SHANK2: variants seen among roughly 807,000 people sequenced by gnomAD.
The protein encoded by SHANK2 is SH3 and multiple ankyrin repeat domains protein 2.
A neutral mutation model predicts 133.7 loss-of-function variants in SHANK2; 43 were observed. The ratio of observed to expected loss-of-function variants is 0.32; its 90% CI spans 0.25 to 0.41. The LOEUF (loss-of-function observed/expected upper bound fraction) is 0.41. Ranked by LOEUF, SHANK2 falls within the 10% of genes least tolerant of loss-of-function variation. The pLI is 1.00. For synonymous variants in SHANK2, 1,017 were observed against 952.8 expected (o/e 1.07, Z -1.24); for missense variants, 1,994 against 2,235.8 (o/e 0.89, Z 2.18).
chr11:70,538,953 C>G (rs1037625661), intron 17 of SHANK2, among the ~76,000 whole-genome samples: 1 of 152,252 alleles, frequency 6.6e-6, no homozygotes, highest in African/African-American at 2.4e-5. Context: ...GGCTAGGAAG[C>G]CTCCTGGGTT....
intron 14 of SHANK2, among the ~76,000 whole-genome samples, chr11:70,763,042 C>A (rs1163245329): frequency 3.3e-5 from 5 of 152,198 alleles, no homozygotes; most frequent in Admixed American, 3.3e-4. Context: ...TTCCTAACCA[C>A]CCCCTTTCCC....
At chr11:70,613,358 C>T (rs1202233579) in intron 17 of SHANK2, among the ~76,000 whole-genome samples, 2 of 152,094 alleles carry the variant, frequency 1.3e-5, no homozygotes, top group African/African-American at 2.4e-5. Flanking sequence ...CGCCCGTTGC[C>T]ATGTCCAGCT....
At chr11:70,567,844 C>G (rs1398111071) in intron 17 of SHANK2, among the ~76,000 whole-genome samples, 1 of 152,128 alleles carries the variant, frequency 6.6e-6, no homozygotes, top group African/African-American at 2.4e-5. Context: ...TGGGGCAGCC[C>G]GAACTAAGAC....
chr11:70,670,115 G>A lies in SHANK2; in HGVS notation c.1854-8437C>T, dbSNP rs768167823. Among the ~76,000 whole-genome samples, 29 of 152,296 alleles carry A rather than the reference G, an allele frequency of 1.9e-4. 1 individual carries two copies. The East Asian group carries it at 5.0e-3, about 26-fold the overall frequency. On this transcript the variant is annotated intron_variant, in intron 15 of 25. Transcript: ENST00000601538. ...TCCCCACAGAGAGACTGGGTGGTGC[G>A]TTTATTGCCCCTGAAAGTCCTTCCC...
At chr11:71,239,753 G>T (rs1954865519) in intron 1 of SHANK2, among the ~76,000 whole-genome samples, 1 of 152,182 alleles carries the variant, frequency 6.6e-6, no homozygotes, top group African/African-American at 2.4e-5. Context: ...GGGACTACAG[G>T]CATGAGCCAC....
chr11:70,718,328 T>A (rs1945992867), intron 14 of SHANK2, among the ~76,000 whole-genome samples: 1 of 152,246 alleles, frequency 6.6e-6, no homozygotes, highest in African/African-American at 2.4e-5. Flanking sequence ...AAGCCCGTTT[T>A]GGCTACACAG....
At chr11:70,613,405 G>A (rs545359361) in intron 17 of SHANK2, among the ~76,000 whole-genome samples, 38 of 152,122 alleles carry the variant, frequency 2.5e-4, no homozygotes, top group African/African-American at 8.9e-4. Context: ...GGGTTTCACC[G>A]TGTTAGCTAG....
rs782548627 is a variant in SHANK2 at position 70,485,365 on chromosome 11, CCCGGCTTTG to C, written c.4919_4927del (p.Ala1640_Pro1642del). 2 of 1,613,988 alleles carry C rather than the reference CCCGGCTTTG, an allele frequency of 1.2e-6. No homozygotes were observed. Among genetic ancestry groups the C allele is most frequent in the South Asian group, 2.2e-5 (2 of 91,076 alleles). On this transcript the variant is annotated inframe_deletion, in exon 25 of 26. Transcript: ENST00000601538. The surrounding 1 kb of genome is among the most constrained non-coding windows in gnomAD (Gnocchi z 5.8). ...TCCCATTGGTGAATCCAGTCCTTCCCCCGGCTTTGCCAATTTCTCTCGGTTCATTTGCTG... is the reference window on the plus strand; with the variant it reads ...TCCCATTGGTGAATCCAGTCCTTCCCCCAATTTCTCTCGGTTCATTTGCTG...
rs77276369 is a variant in SHANK2 at position 70,935,214 on chromosome 11, T to A, written c.1108-38647A>T. On this transcript the variant is annotated intron_variant, in intron 10 of 25. Transcript: ENST00000601538. The stretch of plus-strand genomic sequence containing the variant: ...ATGTGAATCATCCCTTTGTCCAGCG[T>A]GTCCGTGCTGTCTAGGCCACCCACC... Among the ~76,000 whole-genome samples, 390 of 152,290 alleles carry A rather than the reference T, an allele frequency of 2.6e-3. 6 individuals carry two copies. The East Asian group carries it at 0.062, about 24-fold the overall frequency.
In SHANK2 at chr11:71,110,726, G is replaced by A. The variant is rs572924096; in HGVS notation, c.484-677C>T. Among the ~76,000 whole-genome samples, 16 of 152,340 alleles carry A rather than the reference G, an allele frequency of 1.1e-4. No individual in the cohort carries two copies. In the East Asian group the frequency reaches 2.3e-3, roughly 22 times the overall value. On this transcript the variant is annotated intron_variant, in intron 5 of 25. Transcript: ENST00000601538. ...GCTGAGGCTTTTGGAACCACAGGGTGAGCACAGTGTCTGGCACGTGACAAG... is the reference window on the plus strand; with the variant it reads ...GCTGAGGCTTTTGGAACCACAGGGTAAGCACAGTGTCTGGCACGTGACAAG...
At chr11:70,810,366 C>G (rs1395974416) in intron 12 of SHANK2, among the ~76,000 whole-genome samples, 1 of 152,224 alleles carries the variant, frequency 6.6e-6, no homozygotes, top group African/African-American at 2.4e-5. Flanking sequence ...GGACCGAGAG[C>G]TGGGAGGGGT....
chr11:70,755,715 C>G (rs1555038712), intron 14 of SHANK2, among the ~76,000 whole-genome samples: 1 of 152,172 alleles, frequency 6.6e-6, no homozygotes, highest in Non-Finnish European at 1.5e-5. Context: ...TGGCCACAAG[C>G]AGGGACGCCA....
chr11:70,551,064 C>T (rs1554977863), intron 17 of SHANK2, among the ~76,000 whole-genome samples: 1 of 152,208 alleles, frequency 6.6e-6, no homozygotes, highest in African/African-American at 2.4e-5. Context: ...AGCGGACCCC[C>T]TCCCACCCCC....
intron 17 of SHANK2, among the ~76,000 whole-genome samples, chr11:70,551,974 G>A (rs1015206291): frequency 1.3e-5 from 2 of 152,230 alleles, no homozygotes; most frequent in African/African-American, 2.4e-5. Context: ...GGGGGAGCCC[G>A]TGGGGGTGTG....
chr11:70,511,499 G>C (rs2059204507), intron 17 of SHANK2, among the ~76,000 whole-genome samples: 1 of 152,070 alleles, frequency 6.6e-6, no homozygotes, highest in Non-Finnish European at 1.5e-5. Flanking sequence ...ATGGGGTTTC[G>C]GTGCCCCTCA....
intron 17 of SHANK2, among the ~76,000 whole-genome samples, chr11:70,539,156 C>G (rs2059581527): frequency 6.6e-6 from 1 of 152,138 alleles, no homozygotes. Flanking sequence ...AGAGGCAGGC[C>G]CATGCACACA....
At chr11:70,639,418 C>G (rs549912510) in intron 17 of SHANK2, among the ~76,000 whole-genome samples, 1 of 152,250 alleles carries the variant, frequency 6.6e-6, no homozygotes, top group African/African-American at 2.4e-5. Context: ...GCAGAAGGGG[C>G]AAAGGGGCTC....
At chr11:70,851,663 T>C (rs1027312517) in intron 11 of SHANK2, among the ~76,000 whole-genome samples, 2 of 152,182 alleles carry the variant, frequency 1.3e-5, no homozygotes, top group Admixed American at 1.3e-4. Flanking sequence ...AGCTGGACTT[T>C]TATGGAAAAG....
At chr11:70,894,410 C>G (rs1949901345) in intron 11 of SHANK2, among the ~76,000 whole-genome samples, 1 of 152,146 alleles carries the variant, frequency 6.6e-6, no homozygotes, top group South Asian at 2.1e-4. Context: ...TGGTTTCAAA[C>G]TCCTGACCTC....
Sources: gnomAD v4.1 joint callset for allele counts (sites outside exome capture counted in the v4.1 genomes callset) on GRCh38, gnomAD v4.1.1 for gene constraint, Gnocchi (gnomAD v3.1) non-coding constraint, MANE v1.5 for transcripts, NCBI Gene and HGNC (gene_info 2026-07-23, HGNC 2026-07-21) for gene names.